The following NCOA2 variants were observed in gnomAD, a reference collection of about 807,000 sequenced individuals.
NCOA2 encodes the protein nuclear receptor coactivator 2, also known as class E basic helix-loop-helix protein 75.
In NCOA2, 21 loss-of-function variants were observed where a neutral mutation model predicts 145.1. The observed-to-expected ratio is 0.14, with a 90% CI of 0.10 to 0.21. The LOEUF is 0.21. Ranked by LOEUF, NCOA2 falls within the 10% of genes least tolerant of loss-of-function variation. NCOA2 has a pLI of 1.00. For missense variants in NCOA2, 1,472 were observed against 1,837.6 expected (o/e 0.80, Z 3.64); for synonymous variants, 619 against 637.5 (o/e 0.97, Z 0.44).
intron 4 of NCOA2, among the ~76,000 whole-genome samples, chr8:70,184,790 G>T (rs554439796): frequency 3.3e-5 from 5 of 152,300 alleles, no homozygotes; most frequent in African/African-American, 1.2e-4. Flanking sequence ...TTTCTATGAA[G>T]CTTGCAAGGC....
chr8:70,192,922 C>T (rs920370422), intron 4 of NCOA2, among the ~76,000 whole-genome samples: 1 of 151,940 alleles, frequency 6.6e-6, no homozygotes, highest in East Asian at 1.9e-4. Context: ...CGAAAATTAG[C>T]CGGGCATGGT....
chr8:70,122,777 G>A (rs1031265644), intron 21 of NCOA2, among the ~76,000 whole-genome samples: 1 of 152,134 alleles, frequency 6.6e-6, no homozygotes. Context: ...AAAAATTGTG[G>A]TCTACTAACA....
At chr8:70,277,674 A>G (rs1358864454) in intron 2 of NCOA2, among the ~76,000 whole-genome samples, 2 of 152,170 alleles carry the variant, frequency 1.3e-5, no homozygotes, top group African/African-American at 4.8e-5. Context: ...TTTATACACT[A>G]TTCATACTTT....
At chr8:70,400,169 A>T (rs1213712345) in intron 1 of NCOA2, among the ~76,000 whole-genome samples, 1 of 152,228 alleles carries the variant, frequency 6.6e-6, no homozygotes, top group East Asian at 1.9e-4. Flanking sequence ...GTTAAAATCC[A>T]AAACATATTA....
chr8:70,156,819 G>A lies in NCOA2; in HGVS notation c.1546C>T (p.Pro516Ser), dbSNP rs772233278. The A allele has an allele frequency of 6.2e-7, 1 of 1,613,994 alleles. No individual in the cohort carries two copies. Among genetic ancestry groups the A allele is most frequent in the East Asian group, 2.2e-5 (1 of 44,880 alleles). The stretch of plus-strand genomic sequence containing the variant: ...CCTGTGCTGCTGCAAACTCCCACAG[G>A]GGAATGCAAGCTTCCTGCAGGGGAA... ...QFSPAGSLHS[P>S]VGVCSSTGNS... is the part of the protein sequence containing the mutation. Residue 516 changes from proline (P) to serine (S), a missense_variant, in exon 11 of 23, where the codon CCT becomes TCT. Coordinates refer to ENST00000452400, the MANE Select transcript of NCOA2 (RefSeq NM_006540.4).
At chr8:70,190,337 G>A (rs1039611660) in intron 4 of NCOA2, among the ~76,000 whole-genome samples, 4 of 152,286 alleles carry the variant, frequency 2.6e-5, no homozygotes, top group African/African-American at 9.6e-5. Context: ...ATACAAAGAG[G>A]AGTTATACTA....
At position 70,263,939 on chromosome 8, in the gene NCOA2, G is replaced by A. The variant is rs551416353; in HGVS notation, c.-20+32805C>T. ...TCTTAAAAAAAACAGTGGGCCAGGCGTGGTGGCTCATGCCTATAATCCCAG... is the reference window on the plus strand; with the variant it reads ...TCTTAAAAAAAACAGTGGGCCAGGCATGGTGGCTCATGCCTATAATCCCAG... On this transcript the variant is annotated intron_variant, in intron 2 of 22. Coordinates refer to ENST00000452400, the MANE Select transcript of NCOA2 (RefSeq NM_006540.4). 5.3e-5 allele frequency among the ~76,000 whole-genome samples: 8 copies of A among 152,282 alleles called. No homozygotes were observed. The South Asian group carries it at 6.2e-4, about 12-fold the overall frequency.
chr8:70,436,360 T>G, the NCOA2 span, among the ~76,000 whole-genome samples: 5 of 152,212 alleles, frequency 3.3e-5, no homozygotes, highest in Non-Finnish European at 7.3e-5. Flanking sequence ...TGGTCAGGTA[T>G]AAAGTGAGCA....
intron 4 of NCOA2, among the ~76,000 whole-genome samples, chr8:70,211,233 G>A (rs1818980818): frequency 6.6e-6 from 1 of 152,122 alleles, no homozygotes; most frequent in South Asian, 2.1e-4. Flanking sequence ...GGCCGAGGCA[G>A]GCAGATCATG....
chr8:70,141,746 C>T (rs1298167398), intron 13 of NCOA2, among the ~76,000 whole-genome samples: 1 of 152,130 alleles, frequency 6.6e-6, no homozygotes, highest in Non-Finnish European at 1.5e-5. Flanking sequence ...GCTTTACTTT[C>T]CAAAAGGGAG....
At chr8:70,436,951 A>G in the NCOA2 span, among the ~76,000 whole-genome samples, 1 of 152,230 alleles carries the variant, frequency 6.6e-6, no homozygotes, top group East Asian at 1.9e-4. Context: ...ATAGGATTTC[A>G]AAGGGCCTTT....
chr8:70,402,891 C>A, intron 1 of NCOA2, among the ~76,000 whole-genome samples: 1 of 145,436 alleles, frequency 6.9e-6, no homozygotes. Context: ...TCCCCGCCCC[C>A]ACCACGGCCC....
intron 1 of NCOA2, among the ~76,000 whole-genome samples, chr8:70,378,471 C>T (rs1811881285): frequency 6.6e-6 from 1 of 151,898 alleles, no homozygotes; most frequent in Non-Finnish European, 1.5e-5. Flanking sequence ...TGTTTCTTCA[C>T]AGATGGCTGA....
intron 2 of NCOA2, among the ~76,000 whole-genome samples, chr8:70,281,858 T>C (rs1179863953): frequency 6.6e-6 from 1 of 152,240 alleles, no homozygotes; most frequent in African/African-American, 2.4e-5. Flanking sequence ...TGAGATAAGT[T>C]ACGTTACCCC....
intron 2 of NCOA2, among the ~76,000 whole-genome samples, chr8:70,230,551 A>G (rs2134209040): frequency 6.6e-6 from 1 of 152,346 alleles, no homozygotes; most frequent in Middle Eastern, 3.4e-3. Context: ...TGTGCAACAG[A>G]TAAATAGATA....
At chr8:70,274,819 T>C (rs1055582027) in intron 2 of NCOA2, among the ~76,000 whole-genome samples, 1 of 152,182 alleles carries the variant, frequency 6.6e-6, no homozygotes, top group Non-Finnish European at 1.5e-5. Flanking sequence ...AAAGTATTCA[T>C]AATCAGGACC....
chr8:70,141,093 C>T, intron 14 of NCOA2, 91 bp downstream of exon 14: 2 of 1,243,640 alleles, frequency 1.6e-6, no homozygotes, highest in Non-Finnish European at 2.3e-6. Flanking sequence ...TCTAAAATGC[C>T]CATAAGAAGC....
intron 11 of NCOA2, among the ~76,000 whole-genome samples, chr8:70,151,059 C>T (rs1008103982): frequency 1.3e-5 from 2 of 152,166 alleles, no homozygotes; most frequent in African/African-American, 4.8e-5. Flanking sequence ...AAGGTAGAAG[C>T]TCCATGTGTG....
intron 1 of NCOA2, among the ~76,000 whole-genome samples, chr8:70,311,227 T>C (rs973642003): frequency 6.6e-6 from 1 of 152,132 alleles, no homozygotes; most frequent in Non-Finnish European, 1.5e-5. Context: ...CAAAGAAACA[T>C]ACCTGCCCTT....
Sources: gnomAD v4.1 joint callset for allele counts (sites outside exome capture counted in the v4.1 genomes callset) on GRCh38, gnomAD v4.1.1 for gene constraint, MANE v1.5 for transcripts, NCBI Gene and HGNC (gene_info 2026-07-23, HGNC 2026-07-21) for gene names.